RANBP9: variants seen among roughly 807,000 people sequenced by gnomAD.
The protein encoded by RANBP9 is ran-binding protein 9.
Under a neutral mutation model 84.3 loss-of-function variants are expected in RANBP9, and 15 were observed. The ratio of observed to expected loss-of-function variants is 0.18; its 90% CI spans 0.12 to 0.27. RANBP9 has a LOEUF of 0.27. RANBP9 is among the 10% of genes least tolerant of loss of function. The pLI is 1.00. For missense variants in RANBP9, 809 were observed against 912.8 expected, an observed-to-expected ratio of 0.89 and a Z score of 1.46; for synonymous variants, 392 against 349.6, an observed-to-expected ratio of 1.12 and a Z score of -1.35.
intron 2 of RANBP9, among the ~76,000 whole-genome samples, chr6:13,687,073 T>TC (rs993447979): frequency 2.4e-4 from 36 of 152,102 alleles, no homozygotes; most frequent in African/African-American, 8.0e-4. Flanking sequence ...TCAGACGAAT[T>TC]CCCTCCTTCT....
chr6:13,675,322 T>C (rs972736086), intron 2 of RANBP9, among the ~76,000 whole-genome samples: 1 of 152,166 alleles, frequency 6.6e-6, no homozygotes, highest in Non-Finnish European at 1.5e-5. Context: ...CAGACTTTAA[T>C]AGAATTAAAC....
chr6:13,638,075 G>A, intron 9 of RANBP9, 120 bp from the exon 10 acceptor site: 1 of 823,750 alleles, frequency 1.2e-6, no homozygotes, highest in Non-Finnish European at 1.8e-6. Flanking sequence ...GTCAATGGAT[G>A]ATGTAAACAG....
intron 11 of RANBP9, among the ~76,000 whole-genome samples, chr6:13,632,977 T>A (rs538266292): frequency 4.5e-4 from 69 of 152,088 alleles, no homozygotes; most frequent in African/African-American, 1.6e-3. Flanking sequence ...AGACAGCATA[T>A]TATACTAACT....
chr6:13,639,421 G>A lies in RANBP9; in HGVS notation c.1525+142C>T, dbSNP rs567747141. 57 of 835,022 alleles carry A rather than the reference G, an allele frequency of 6.8e-5. No individual in the cohort carries two copies. The Middle Eastern group carries it at 1.8e-3, about 27-fold the overall frequency. 51.7% of individuals were successfully genotyped at this position (835,022 alleles called of 1,614,324 possible). On this transcript the variant is annotated intron_variant, in intron 9 of 13. Transcript: ENST00000011619. ...TCTCGAACTCCTGACCTCGTGATCC[G>A]CCCACCCTGGCCTCCCAAAGTGCTG...
intron 5 of RANBP9, among the ~76,000 whole-genome samples, chr6:13,645,151 T>G (rs901273914): frequency 2.0e-5 from 3 of 152,216 alleles, no homozygotes; most frequent in Non-Finnish European, 4.4e-5. Context: ...TAAAGCTAGT[T>G]ATCATAAAAG....
At chr6:13,682,246 G>C (rs1181225270) in intron 2 of RANBP9, among the ~76,000 whole-genome samples, 1 of 151,990 alleles carries the variant, frequency 6.6e-6, no homozygotes, top group Non-Finnish European at 1.5e-5. Context: ...CAGTCCCTAA[G>C]AATGGAAGAT....
At chr6:13,658,123 G>A (rs564589131) in intron 3 of RANBP9, among the ~76,000 whole-genome samples, 2 of 152,156 alleles carry the variant, frequency 1.3e-5, no homozygotes, top group East Asian at 1.9e-4. Context: ...AGTATTAGTC[G>A]ATATTCCCTG....
Position 13,711,488 on chromosome 6 carries a change from C to T in RANBP9, c.18G>A (p.Pro6=). ...GTTGCTGCTGCTGCGGCGGCGGCGGCGGCGGCTGCCCGGACATCCCGGCCG... is the reference window on the plus strand; with the variant it reads ...GTTGCTGCTGCTGCGGCGGCGGCGGTGGCGGCTGCCCGGACATCCCGGCCG... MSGQP[P]PPPPQQQQQQ... The change falls in exon 1 of 14, where the codon CCG becomes CCA. Residue 6 remains proline (P), a synonymous_variant. Transcript: ENST00000011619. The T allele has an allele frequency of 1.6e-6, 2 of 1,247,828 alleles. No homozygotes were observed. The allele number at this position is 1,247,828 out of a possible 1,614,324, so 77.3% of individuals were successfully genotyped here. A position where few individuals can be genotyped will look rare whatever the true frequency, so the allele number is the denominator to read the frequency against.
chr6:13,643,206 G>C (rs1489178623), intron 6 of RANBP9, among the ~76,000 whole-genome samples: 1 of 152,144 alleles, frequency 6.6e-6, no homozygotes, highest in Non-Finnish European at 1.5e-5. Context: ...TTTTACCCAA[G>C]AGATTTATCA....
At chr6:13,651,516 TC>T (rs1212385673) in intron 5 of RANBP9, among the ~76,000 whole-genome samples, 2 of 151,842 alleles carry the variant, frequency 1.3e-5, no homozygotes, top group Non-Finnish European at 2.9e-5. Flanking sequence ...TGCCTCAGCC[TC>T]CTGAGTAGCT....
chr6:13,642,954 T>C (rs1454238643), intron 6 of RANBP9, among the ~76,000 whole-genome samples: 1 of 152,224 alleles, frequency 6.6e-6, no homozygotes, highest in Non-Finnish European at 1.5e-5. Flanking sequence ...TTTGACTTTA[T>C]CATATGACTT....
intron 5 of RANBP9, among the ~76,000 whole-genome samples, chr6:13,651,771 C>T (rs913573477): frequency 2.0e-5 from 3 of 152,086 alleles, no homozygotes; most frequent in African/African-American, 7.2e-5. Flanking sequence ...AAATAAAAGT[C>T]CACAATGTCT....
At chr6:13,677,178 G>C (rs1424890024) in intron 2 of RANBP9, among the ~76,000 whole-genome samples, 1 of 152,130 alleles carries the variant, frequency 6.6e-6, no homozygotes, top group Non-Finnish European at 1.5e-5. Flanking sequence ...AGGATACAAG[G>C]TTAATATGCA....
chr6:13,625,612 G>T, intron 13 of RANBP9, 41 bp downstream of exon 13: 1 of 1,431,992 alleles, frequency 7.0e-7, no homozygotes, highest in South Asian at 1.2e-5. Context: ...TAAATTTTCA[G>T]AGAATCTAAC....
At chr6:13,708,141 G>A (rs1011996832) in intron 1 of RANBP9, among the ~76,000 whole-genome samples, 4 of 152,136 alleles carry the variant, frequency 2.6e-5, no homozygotes, top group Admixed American at 6.5e-5. Context: ...CAGAATACAG[G>A]CTGGACACAG....
chr6:13,629,895 G>GTCTCTC (rs35437953), intron 12 of RANBP9, among the ~76,000 whole-genome samples: 5 of 143,822 alleles, frequency 3.5e-5, no homozygotes, highest in Non-Finnish European at 4.5e-5. Context: ...TCATGTCTCT[G>GTCTCTC]TCTCTCTCTC....
At chr6:13,652,543 T>TA in intron 5 of RANBP9, 116 bp downstream of exon 5, 1 of 1,010,652 alleles carries the variant, frequency 9.9e-7, no homozygotes, top group Non-Finnish European at 1.4e-6. Context: ...GCATGTCATA[T>TA]AAACCTAATA....
chr6:13,704,949 C>T (rs764447924), intron 1 of RANBP9, among the ~76,000 whole-genome samples: 1 of 152,180 alleles, frequency 6.6e-6, no homozygotes, highest in Non-Finnish European at 1.5e-5. Flanking sequence ...TCCCTTACTA[C>T]TCTATTTTAT....
intron 6 of RANBP9, among the ~76,000 whole-genome samples, chr6:13,643,714 C>A (rs1374838027): frequency 1.3e-5 from 2 of 152,066 alleles, no homozygotes; most frequent in African/African-American, 2.4e-5. Context: ...ACAGTGTGGC[C>A]CCAGAACAAC....
Sources: gnomAD v4.1 joint callset for allele counts (sites outside exome capture counted in the v4.1 genomes callset) on GRCh38, gnomAD v4.1.1 for gene constraint, MANE v1.5 for transcripts, NCBI Gene and HGNC (gene_info 2026-07-23, HGNC 2026-07-21) for gene names.